Variants in MYOM1 observed in about 807,000 individuals in gnomAD.
MYOM1 encodes the protein myomesin-1.
MYOM1 carries 164 observed loss-of-function variants against 205.3 expected under a neutral mutation model. The ratio of observed to expected loss-of-function variants is 0.80; its 90% CI spans 0.70 to 0.91. The LOEUF (loss-of-function observed/expected upper bound fraction) is 0.91. Among genes scored for constraint, MYOM1 ranks in the 40% least tolerant of loss-of-function variants. MYOM1 has a pLI of 0.00. For synonymous variants in MYOM1, 772 were observed against 789.4 expected (o/e 0.98, Z 0.37); for missense variants, 2,011 against 2,127.3 (o/e 0.95, Z 1.08).
chr18:3,067,260 G>A lies in MYOM1; in HGVS notation c.*2C>T, dbSNP rs544391324. ...GCCGGCTGGCTCTCCTCGCACCTCCGGTCACTTGGCCTTCTTGCCACCTTT... is the reference window on the plus strand; with the variant it reads ...GCCGGCTGGCTCTCCTCGCACCTCCAGTCACTTGGCCTTCTTGCCACCTTT... On this transcript the variant is annotated 3_prime_UTR_variant, in exon 38 of 38. Coordinates refer to ENST00000356443, the MANE Select transcript of MYOM1 (RefSeq NM_003803.4). 2.0e-5 allele frequency: 32 copies of A among 1,590,722 alleles called. No individual in the cohort carries two copies. In the Admixed American group the frequency reaches 2.1e-4, roughly 11 times the overall value.
At position 3,176,032 on chromosome 18, in the gene MYOM1, G is replaced by C; in HGVS notation, c.1022+10C>G. 6.6e-7 allele frequency: 1 copy of C among 1,525,116 alleles called. No individual in the cohort carries two copies. The highest frequency in any genetic ancestry group is 2.3e-5 in the East Asian group (1 of 44,426). 94.5% of individuals were successfully genotyped at this position (1,525,116 alleles called of 1,614,324 possible). Reference sequence around the variant, plus strand: ...TGGTGAGCAACACATGGACACTAATGTTCTCTTACCCATTAATCTCCAGAG... The same window carrying C: ...TGGTGAGCAACACATGGACACTAATCTTCTCTTACCCATTAATCTCCAGAG... On this transcript the variant is annotated intron_variant, in intron 6 of 37. Coordinates refer to ENST00000356443, the MANE Select transcript of MYOM1 (RefSeq NM_003803.4).
chr18:3,112,088 C>T (rs1018958068), intron 22 of MYOM1, among the ~76,000 whole-genome samples: 16 of 152,202 alleles, frequency 1.1e-4, no homozygotes, highest in African/African-American at 2.9e-4. Context: ...CAGAACAGCC[C>T]CTAGACCACG....
At chr18:3,164,770 T>C (rs1413967081) in intron 9 of MYOM1, among the ~76,000 whole-genome samples, 1 of 152,236 alleles carries the variant, frequency 6.6e-6, no homozygotes, top group Admixed American at 6.5e-5. Context: ...CTTATAGTAA[T>C]GTAATAGGGG....
At chr18:3,077,286 T>C (rs903063653) in intron 34 of MYOM1, among the ~76,000 whole-genome samples, 2 of 152,118 alleles carry the variant, frequency 1.3e-5, no homozygotes, top group African/African-American at 4.8e-5. Context: ...CTCAAAATGT[T>C]GGGATGACAG....
Position 3,164,272 on chromosome 18 carries a change from A to T in MYOM1, c.1501+6T>A, listed in dbSNP as rs1007362392. ...GTTAGGTGTTTTGTTTTTTGCTAGGACTTACCTCGAACAAAGACATAAGCA... is the reference window on the plus strand; with the variant it reads ...GTTAGGTGTTTTGTTTTTTGCTAGGTCTTACCTCGAACAAAGACATAAGCA... On this transcript the variant is annotated splice_donor_region_variant and intron_variant, in intron 10 of 37. Transcript: ENST00000356443. The T allele has an allele frequency of 6.2e-7, 1 of 1,611,780 alleles. No homozygotes were observed.
chr18:3,104,001 A>C (rs892076272), intron 22 of MYOM1, among the ~76,000 whole-genome samples: 1 of 152,254 alleles, frequency 6.6e-6, no homozygotes, highest in Non-Finnish European at 1.5e-5. Context: ...ATTTGGTTAC[A>C]TAAAGTGAAA....
At chr18:3,181,345 G>C (rs1460732184) in intron 5 of MYOM1, among the ~76,000 whole-genome samples, 7 of 152,218 alleles carry the variant, frequency 4.6e-5, no homozygotes. Flanking sequence ...GATTGAGAGA[G>C]AGAGAGAGAT....
chr18:3,206,293 AT>A (rs1220835414), intron 2 of MYOM1, among the ~76,000 whole-genome samples: 2 of 152,208 alleles, frequency 1.3e-5, no homozygotes, highest in Admixed American at 1.3e-4. Context: ...TCATCTTTAC[AT>A]ATATTTACAG....
chr18:3,212,690 A>G (rs1234672622), intron 2 of MYOM1, among the ~76,000 whole-genome samples: 2 of 152,224 alleles, frequency 1.3e-5, no homozygotes, highest in Non-Finnish European at 2.9e-5. Context: ...CAAACAGTCC[A>G]GGAAAATGGA....
Position 3,151,687 on chromosome 18 carries a change from T to C in MYOM1, c.1843+7A>G, listed in dbSNP as rs567183951. Reference sequence around the variant, plus strand: ...AGGGAAGGTCCTGAAAAATGAAAAGTGCTTACTTTTAAGTCTAGCTTTCTC... The same window carrying C: ...AGGGAAGGTCCTGAAAAATGAAAAGCGCTTACTTTTAAGTCTAGCTTTCTC... On this transcript the variant is annotated splice_region_variant and intron_variant, in intron 12 of 37. Transcript: ENST00000356443. The C allele has an allele frequency of 6.2e-7, 1 of 1,608,498 alleles. No homozygotes were observed. Among genetic ancestry groups the C allele is most frequent in the Non-Finnish European group, 8.5e-7 (1 of 1,176,846 alleles).
intron 28 of MYOM1, 24 bp from the exon 29 acceptor site, chr18:3,089,265 C>T: frequency 6.4e-7 from 1 of 1,565,784 alleles, no homozygotes; most frequent in South Asian, 1.1e-5. Flanking sequence ...ATGACATTAG[C>T]AATTACTCTA....
intron 8 of MYOM1, among the ~76,000 whole-genome samples, chr18:3,170,111 T>TA (rs528137416): frequency 2.1e-3 from 315 of 152,150 alleles, no homozygotes; most frequent in African/African-American, 7.4e-3. Context: ...CCCATGGAGA[T>TA]AGAGAGTAGA....
intron 9 of MYOM1, among the ~76,000 whole-genome samples, chr18:3,168,160 C>G (rs2080499510): frequency 6.6e-6 from 1 of 151,880 alleles, no homozygotes; most frequent in Non-Finnish European, 1.5e-5. Context: ...ATGTACTCTT[C>G]TGGTTAATTA....
intron 36 of MYOM1, among the ~76,000 whole-genome samples, chr18:3,073,772 C>T (rs546570633): frequency 1.3e-5 from 2 of 152,364 alleles, no homozygotes; most frequent in East Asian, 3.9e-4. Context: ...CAGGAATTTG[C>T]ACCTTATGCA....
chr18:3,216,216 G>A (rs1423492238), intron 1 of MYOM1, among the ~76,000 whole-genome samples: 2 of 152,294 alleles, frequency 1.3e-5, no homozygotes, highest in African/African-American at 2.4e-5. Flanking sequence ...GCAGTGAGCC[G>A]AGGTTGCGCC....
At chr18:3,067,860 T>C (rs1217387767) in intron 37 of MYOM1, among the ~76,000 whole-genome samples, 1 of 152,178 alleles carries the variant, frequency 6.6e-6, no homozygotes, top group Non-Finnish European at 1.5e-5. Context: ...TCACTTTCTC[T>C]TTCATAAACA....
chr18:3,235,691 C>G, the MYOM1 span, among the ~76,000 whole-genome samples: 4 of 152,140 alleles, frequency 2.6e-5, no homozygotes, highest in Non-Finnish European at 5.9e-5. Flanking sequence ...CTTCATGGAA[C>G]TTAGTAGGGG....
intron 10 of MYOM1, among the ~76,000 whole-genome samples, chr18:3,158,800 GAC>G (rs952432396): frequency 3.3e-5 from 5 of 151,912 alleles, no homozygotes; most frequent in African/African-American, 1.2e-4. Context: ...TTTTTGTAGA[GAC>G]AGGGTCTCAC....
chr18:3,119,425 A>G (rs2079652592), intron 20 of MYOM1, among the ~76,000 whole-genome samples: 1 of 152,200 alleles, frequency 6.6e-6, no homozygotes, highest in African/African-American at 2.4e-5. Context: ...TTGGGGGGCT[A>G]ATAAATGAGA....
Sources: gnomAD v4.1 joint callset for allele counts (sites outside exome capture counted in the v4.1 genomes callset) on GRCh38, gnomAD v4.1.1 for gene constraint, MANE v1.5 for transcripts, NCBI Gene and HGNC (gene_info 2026-07-23, HGNC 2026-07-21) for gene names.